TET3: variants seen among roughly 807,000 people sequenced by gnomAD.
TET3 encodes the protein tet methylcytosine dioxygenase 3.
Under a neutral mutation model 141.4 loss-of-function variants are expected in TET3, and 19 were observed. The ratio of observed to expected loss-of-function variants is 0.13; its 90% confidence interval spans 0.09 to 0.20. The LOEUF (loss-of-function observed/expected upper bound fraction) is 0.20. Ranked by LOEUF, TET3 falls within the 10% of genes least tolerant of loss-of-function variation. TET3 has a pLI of 1.00. For synonymous variants in TET3, 1,043 were observed against 980.9 expected (o/e 1.06, Z -1.18); for missense variants, 1,874 against 2,356.9 (o/e 0.80, Z 4.24).
chr2:74,024,271 T>G (rs1293202922), intron 3 of TET3, among the ~76,000 whole-genome samples: 2 of 152,198 alleles, frequency 1.3e-5, no homozygotes, highest in Non-Finnish European at 2.9e-5. Flanking sequence ...CTCTGCATGG[T>G]CTTGTATGCT....
chr2:74,061,584 C>T (rs1250006695), intron 4 of TET3, among the ~76,000 whole-genome samples: 3 of 137,876 alleles, frequency 2.2e-5, no homozygotes, highest in Non-Finnish European at 3.2e-5. Context: ...GGCGGCTGGC[C>T]GGGCGGGGGG....
intron 5 of TET3, among the ~76,000 whole-genome samples, chr2:74,080,268 G>A (rs1689734375): frequency 6.6e-6 from 1 of 152,218 alleles, no homozygotes; most frequent in Non-Finnish European, 1.5e-5. Flanking sequence ...GAGGGGGCCC[G>A]ATGGGCGGGA....
chr2:74,081,711 C>A (rs1689837859), intron 6 of TET3, among the ~76,000 whole-genome samples: 1 of 152,228 alleles, frequency 6.6e-6, no homozygotes, highest in African/African-American at 2.4e-5. Context: ...GAAATTCTGA[C>A]ATATGCTACA....
intron 5 of TET3, among the ~76,000 whole-genome samples, chr2:74,078,952 C>A (rs545458142): frequency 6.6e-6 from 1 of 152,316 alleles, no homozygotes; most frequent in Admixed American, 6.5e-5. Context: ...GTAAGGAAAT[C>A]TGTCGCTTTC....
chr2:74,083,508 G>A (rs926631939), intron 6 of TET3, among the ~76,000 whole-genome samples: 1 of 152,314 alleles, frequency 6.6e-6, no homozygotes, highest in East Asian at 1.9e-4. Flanking sequence ...GGTGCTCAGG[G>A]AATTCTGCCT....
chr2:73,999,450 A>G (rs1237123365), intron 2 of TET3, among the ~76,000 whole-genome samples: 4 of 152,180 alleles, frequency 2.6e-5, no homozygotes, highest in African/African-American at 9.7e-5. Flanking sequence ...GATTTCTTGT[A>G]AATTCCCCCA....
Position 74,047,475 on chromosome 2 carries a change from A to G in TET3, c.1558A>G (p.Thr520Ala), listed in dbSNP as rs1353348738. 2 of 1,612,472 alleles carry G rather than the reference A, an allele frequency of 1.2e-6. No homozygotes were observed. Among genetic ancestry groups the G allele is most frequent in the Non-Finnish European group, 1.7e-6 (2 of 1,179,800 alleles). ...EAPTPSSEPD[T>A]HQKAQTALQQ... ...TCCCACGCCATCCTCGGAGCCCGAC[A>G]CCCACCAGAAGGCCCAGACCGCCCT... is the stretch of plus-strand genomic sequence containing the variant. The change falls in exon 4 of 12, where the codon ACC becomes GCC. Residue 520 changes from threonine to alanine, a missense_variant. Physicochemically the swap from Thr to Ala is moderately conservative, Grantham distance 58 (BLOSUM62 0). Coordinates refer to ENST00000409262, the MANE Select transcript of TET3 (RefSeq NM_001287491.2).
the TET3 span, among the ~76,000 whole-genome samples, chr2:74,113,310 C>G: frequency 6.6e-6 from 1 of 152,032 alleles, no homozygotes; most frequent in African/African-American, 2.4e-5. Flanking sequence ...CACTTGAACC[C>G]GGGACGTGGA....
chr2:74,109,301 T>G (rs750457396), downstream of TET3, among the ~76,000 whole-genome samples: 1 of 152,078 alleles, frequency 6.6e-6, no homozygotes, highest in Non-Finnish European at 1.5e-5. Context: ...TTAAAAGTTA[T>G]CTGAAATCCC....
In TET3 at chr2:74,101,615, G is replaced by A; in HGVS notation, c.4827G>A (p.Glu1609=). 1.9e-6 allele frequency: 3 copies of A among 1,612,750 alleles called. No homozygotes were observed. Among genetic ancestry groups the A allele is most frequent in the Non-Finnish European group, 2.5e-6 (3 of 1,179,414 alleles). Residue 1609 remains glutamate, a synonymous_variant, in exon 12 of 12, where the codon GAG becomes GAA. Coordinates refer to ENST00000409262, the MANE Select transcript of TET3 (RefSeq NM_001287491.2). The surrounding 1 kb of genome is among the most constrained non-coding windows in gnomAD (Gnocchi z 8.5). ...AGCTGTGGGACCCCTTCAGCCTGGA[G>A]GAGGGGCCGGCTGAGGAGCCCCCCA... ...EEKLWDPFSL[E]EGPAEEPPSK... is the part of the protein sequence containing the mutation.
chr2:74,106,794 A>C lies in TET3; in HGVS notation c.*4618A>C, dbSNP rs973862258. ...CATCATGACAACTTCAGTAAAGTAGATTCCATGAGGGTCTGATACCTGCAG... is the reference window on the plus strand; with the variant it reads ...CATCATGACAACTTCAGTAAAGTAGCTTCCATGAGGGTCTGATACCTGCAG... On this transcript the variant is annotated 3_prime_UTR_variant, in exon 12 of 12. Transcript: ENST00000409262. The C allele has an allele frequency of 5.9e-5, 9 of 153,280 alleles. No individual in the cohort carries two copies. The highest frequency in any genetic ancestry group is 1.9e-4 in the African/African-American group (8 of 41,434). 9.5% of individuals were successfully genotyped at this position (153,280 alleles called of 1,614,324 possible). A position where few individuals can be genotyped will look rare whatever the true frequency, so the allele number is the denominator to read the frequency against.
chr2:74,122,508 TA>T, the TET3 span: 143 of 86,642 alleles, frequency 1.7e-3, 1 homozygote, highest in African/African-American at 7.5e-3. Context: ...TATATATATA[TA>T]TATTTTTTTT....
chr2:73,995,905 C>T (rs1040492175), intron 2 of TET3, among the ~76,000 whole-genome samples: 2 of 152,114 alleles, frequency 1.3e-5, no homozygotes, highest in African/African-American at 4.8e-5. Context: ...CTGCCCAGTC[C>T]ACTGCTTCTC....
At chr2:74,003,743 G>A (rs1685000826) in intron 3 of TET3, among the ~76,000 whole-genome samples, 2 of 151,504 alleles carry the variant, frequency 1.3e-5, no homozygotes, top group African/African-American at 4.9e-5. Flanking sequence ...TCCGGCGGGC[G>A]TCTGCTGTTA....
chr2:74,067,721 G>A (rs13412937), intron 4 of TET3, among the ~76,000 whole-genome samples: 46,795 of 151,662 alleles, frequency 0.31, 7,714 homozygotes, highest in African/African-American at 0.41. Flanking sequence ...GAAAGAAAGG[G>A]AAAAAAAATG....
Position 74,072,032 on chromosome 2 carries a change from A to C in TET3, c.2495-1517A>C, listed in dbSNP as rs1285148942. On this transcript the variant is annotated intron_variant, in intron 4 of 11. Coordinates refer to ENST00000409262, the MANE Select transcript of TET3 (RefSeq NM_001287491.2). Reference sequence around the variant, plus strand: ...ACAACCACATCTCCCTCCAGTTTTAAAATATTTTCATGATTCCAAAAAAAC... The same window carrying C: ...ACAACCACATCTCCCTCCAGTTTTACAATATTTTCATGATTCCAAAAAAAC... Among the ~76,000 whole-genome samples the C allele has an allele frequency of 2.0e-5, 3 of 152,166 alleles. No homozygotes were observed. In the East Asian group the frequency reaches 5.8e-4, roughly 29 times the overall value.
At chr2:74,090,566 G>A (rs1250682617) in intron 8 of TET3, among the ~76,000 whole-genome samples, 4 of 152,196 alleles carry the variant, frequency 2.6e-5, no homozygotes, top group African/African-American at 9.7e-5. Context: ...TGGTCCCTGG[G>A]CTCTGGACTG....
chr2:74,128,570 G>A, the TET3 span, among the ~76,000 whole-genome samples: 24 of 151,988 alleles, frequency 1.6e-4, no homozygotes, highest in Non-Finnish European at 3.2e-4. Context: ...CCATACTAAC[G>A]TAAGATGTGA....
intron 2 of TET3, among the ~76,000 whole-genome samples, chr2:73,991,301 T>C (rs1359425896): frequency 6.6e-6 from 1 of 150,618 alleles, no homozygotes; most frequent in Non-Finnish European, 1.5e-5. Context: ...AAGCAAACTC[T>C]GGCCGGGCAC....
Sources: gnomAD v4.1 joint callset for allele counts (sites outside exome capture counted in the v4.1 genomes callset) on GRCh38, gnomAD v4.1.1 for gene constraint, Gnocchi (gnomAD v3.1) non-coding constraint, MANE v1.5 for transcripts, NCBI Gene and HGNC (gene_info 2026-07-23, HGNC 2026-07-21) for gene names.